The following COMMD7 variants were observed in gnomAD, a reference collection of about 807,000 sequenced individuals.
COMMD7 encodes COMM domain-containing protein 7.
Under a neutral mutation model 34.8 loss-of-function variants are expected in COMMD7, and 28 were observed. That is an observed-to-expected ratio of 0.80 (90% CI 0.60 to 1.10). The LOEUF (loss-of-function observed/expected upper bound fraction) is 1.10. COMMD7 is among the 50% of genes least tolerant of loss of function. The pLI is 0.00. For missense variants in COMMD7, 211 were observed against 241.6 expected (o/e 0.87, Z 0.84); for synonymous variants, 80 against 86.4 (o/e 0.93, Z 0.41).
intron 3 of COMMD7, among the ~76,000 whole-genome samples, chr20:32,718,881 G>A (rs925885825): frequency 6.6e-5 from 10 of 152,076 alleles, no homozygotes; most frequent in Non-Finnish European, 7.4e-5. Flanking sequence ...AACCTGAGAT[G>A]TGTCAATGTG....
At position 32,741,287 on chromosome 20, in the gene COMMD7, C is replaced by T. The variant is rs554030179; in HGVS notation, c.84+2021G>A. Among the ~76,000 whole-genome samples, 5 of 151,938 alleles carry T rather than the reference C, an allele frequency of 3.3e-5. No individual in the cohort carries two copies. In the South Asian group the frequency reaches 8.3e-4, roughly 25 times the overall value. ...AATGGCTATTCACAGGTGGAATCAC[C>T]ATGCACTACAGCCTTGAAATCCTGG... On this transcript the variant is annotated intron_variant, in intron 1 of 8. Coordinates refer to ENST00000278980, the MANE Select transcript of COMMD7 (RefSeq NM_053041.3).
intron 3 of COMMD7, among the ~76,000 whole-genome samples, chr20:32,717,204 G>A (rs1189124947): frequency 2.0e-5 from 3 of 152,026 alleles, no homozygotes; most frequent in Non-Finnish European, 4.4e-5. Context: ...TGTGCAAACT[G>A]GAGGGCAGTG....
At chr20:32,703,937 G>T (rs531423161) in intron 8 of COMMD7, 86 bp downstream of exon 8, 23 of 1,602,306 alleles carry the variant, frequency 1.4e-5, no homozygotes, top group Non-Finnish European at 1.8e-5. Context: ...TTTTATAGAA[G>T]ACATGATTTG....
chr20:32,718,923 T>C (rs6058827), intron 3 of COMMD7, among the ~76,000 whole-genome samples: 41,427 of 151,782 alleles, frequency 0.27, 6,259 homozygotes, highest in Middle Eastern at 0.39. Flanking sequence ...AAGGCTGGGG[T>C]TGCGGGGAGA....
intron 3 of COMMD7, among the ~76,000 whole-genome samples, chr20:32,714,824 A>AAAC (rs55911529): frequency 0.012 from 1,718 of 139,776 alleles, 26 homozygotes; most frequent in African/African-American, 0.039. Context: ...ACTCCATCTC[A>AAAC]AACAACAACA....
chr20:32,741,395 G>GT (rs200988856), intron 1 of COMMD7, among the ~76,000 whole-genome samples: 95,406 of 143,218 alleles, frequency 0.67, 32,262 homozygotes, highest in Middle Eastern at 0.84. Context: ...CTAGAAAGTT[G>GT]TTTTTTTTTT....
intron 1 of COMMD7, among the ~76,000 whole-genome samples, chr20:32,740,813 C>CA (rs56039232): frequency 0.7 from 89,839 of 128,082 alleles, 30,615 homozygotes; most frequent in Middle Eastern, 0.84. Flanking sequence ...GACCCTGCCT[C>CA]AAAAAAAAAA....
At chr20:32,718,058 G>A (rs1441272033) in intron 3 of COMMD7, among the ~76,000 whole-genome samples, 1 of 149,796 alleles carries the variant, frequency 6.7e-6, no homozygotes, top group Admixed American at 6.7e-5. Flanking sequence ...CACTGCACTC[G>A]AGCCTCGGCG....
intron 5 of COMMD7, among the ~76,000 whole-genome samples, chr20:32,706,028 G>A (rs370236903): frequency 2.0e-5 from 3 of 151,742 alleles, no homozygotes; most frequent in South Asian, 2.1e-4. Context: ...GTGAAACCCC[G>A]TCTCTACTAA....
chr20:32,737,987 T>A (rs1986239550), intron 1 of COMMD7, among the ~76,000 whole-genome samples: 1 of 151,484 alleles, frequency 6.6e-6, no homozygotes, highest in Non-Finnish European at 1.5e-5. Flanking sequence ...AGTAGCAGAA[T>A]CTTTTTTTAT....
At chr20:32,713,341 C>T (rs541253366) in intron 3 of COMMD7, among the ~76,000 whole-genome samples, 5 of 152,158 alleles carry the variant, frequency 3.3e-5, no homozygotes, top group Admixed American at 1.3e-4. Flanking sequence ...TGCGCCAATG[C>T]GCCTGGCAAC....
chr20:32,742,781 G>A (rs938746245), intron 1 of COMMD7, among the ~76,000 whole-genome samples: 3 of 152,068 alleles, frequency 2.0e-5, no homozygotes, highest in African/African-American at 7.2e-5. Context: ...ATGTCACACT[G>A]AGATGTAAGA....
chr20:32,742,818 G>A (rs1986515561), intron 1 of COMMD7, among the ~76,000 whole-genome samples: 1 of 151,974 alleles, frequency 6.6e-6, no homozygotes, highest in South Asian at 2.1e-4. Flanking sequence ...GCTTCCCCGG[G>A]CCCCCTCAGA....
chr20:32,714,278 G>A (rs995493901), intron 3 of COMMD7, among the ~76,000 whole-genome samples: 1 of 152,118 alleles, frequency 6.6e-6, no homozygotes, highest in Non-Finnish European at 1.5e-5. Context: ...TTGTGTGTAT[G>A]TTGCTAAAAA....
chr20:32,713,394 C>G (rs1309961092), intron 3 of COMMD7, among the ~76,000 whole-genome samples: 1 of 152,210 alleles, frequency 6.6e-6, no homozygotes, highest in Non-Finnish European at 1.5e-5. Context: ...GCCAAACCCT[C>G]AAAGCTGTCA....
At chr20:32,704,616 A>ATT in intron 6 of COMMD7, 127 bp from the exon 7 acceptor site, 1 of 1,021,486 alleles carries the variant, frequency 9.8e-7, no homozygotes. Context: ...GTATGAGGGC[A>ATT]GCAAGGTGTG....
At chr20:32,714,863 G>T (rs1984682252) in intron 3 of COMMD7, among the ~76,000 whole-genome samples, 1 of 61,506 alleles carries the variant, frequency 1.6e-5, no homozygotes, top group Non-Finnish European at 4.3e-5. Flanking sequence ...ACAAAAATTA[G>T]CCAGGTGTAG....
chr20:32,710,695 C>T lies in COMMD7; in HGVS notation c.242-3935G>A, dbSNP rs186978852. ...AGTGAACCATAATTGCATCACTGCA[C>T]TCCAGCCTATGTAACAGGGTGAGAC... On this transcript the variant is annotated intron_variant, in intron 3 of 8. Coordinates refer to ENST00000278980, the MANE Select transcript of COMMD7 (RefSeq NM_053041.3). Among the ~76,000 whole-genome samples the T allele has an allele frequency of 4.8e-4, 72 of 148,518 alleles. No homozygotes were observed. The East Asian group carries it at 8.3e-3, about 17-fold the overall frequency.
intron 3 of COMMD7, among the ~76,000 whole-genome samples, chr20:32,720,716 G>C (rs1291463465): frequency 2.6e-5 from 4 of 152,150 alleles, no homozygotes; most frequent in Non-Finnish European, 5.9e-5. Flanking sequence ...TGAAGCAGAA[G>C]AATCACTTAA....
Sources: gnomAD v4.1 joint callset for allele counts (sites outside exome capture counted in the v4.1 genomes callset) on GRCh38, gnomAD v4.1.1 for gene constraint, MANE v1.5 for transcripts, NCBI Gene and HGNC (gene_info 2026-07-23, HGNC 2026-07-21) for gene names.